SLC35F1: variants seen among roughly 807,000 people sequenced by gnomAD.
The protein encoded by SLC35F1 is chromosome 6 open reading frame 169.
SLC35F1 carries 14 observed loss-of-function variants against 48.7 expected under a neutral mutation model. That is an observed-to-expected ratio of 0.29 (90% CI 0.19 to 0.45). The LOEUF is 0.45. Ranked by LOEUF, SLC35F1 falls within the 20% of genes least tolerant of loss-of-function variation. The pLI is 1.00. For synonymous variants in SLC35F1, 190 were observed against 202.2 expected (o/e 0.94, Z 0.51); for missense variants, 404 against 500.0 (o/e 0.81, Z 1.83).
At chr6:118,018,585 A>C (rs976568182) in intron 1 of SLC35F1, among the ~76,000 whole-genome samples, 2 of 152,226 alleles carry the variant, frequency 1.3e-5, no homozygotes, top group South Asian at 2.1e-4. Flanking sequence ...TAGTTTAAAT[A>C]TGCCTTGCCT....
chr6:118,059,215 C>G (rs1248973501), intron 1 of SLC35F1, among the ~76,000 whole-genome samples: 1 of 152,168 alleles, frequency 6.6e-6, no homozygotes, highest in Non-Finnish European at 1.5e-5. Flanking sequence ...TCATGTTATT[C>G]AGTACACTGA....
At position 118,203,472 on chromosome 6, in the gene SLC35F1, T is replaced by C. The variant is rs542339691; in HGVS notation, c.350-32037T>C. ...GTGGCTTGCTGTAGTCTCTTTCTAT[T>C]ATTTTATTCTCTCTCCTTTCAGGAG... On this transcript the variant is annotated intron_variant, in intron 2 of 7. Coordinates refer to ENST00000360388, the MANE Select transcript of SLC35F1 (RefSeq NM_001029858.4). Among the ~76,000 whole-genome samples, 14 of 152,362 alleles carry C rather than the reference T, an allele frequency of 9.2e-5. No individual in the cohort carries two copies. In the East Asian group the frequency reaches 1.3e-3, roughly 15 times the overall value.
At chr6:118,272,744 T>C (rs1393560565) in intron 4 of SLC35F1, among the ~76,000 whole-genome samples, 1 of 99,228 alleles carries the variant, frequency 1.0e-5, no homozygotes, top group African/African-American at 4.1e-5. Context: ...TGTGTATATA[T>C]ATATACATAT....
chr6:118,051,317 A>G (rs765516256), intron 1 of SLC35F1, among the ~76,000 whole-genome samples: 2 of 152,094 alleles, frequency 1.3e-5, no homozygotes, highest in Admixed American at 1.3e-4. Context: ...GTATGCATTG[A>G]TTCTTACTAA....
At chr6:118,289,793 A>G (rs755224528) in intron 7 of SLC35F1, among the ~76,000 whole-genome samples, 8 of 152,178 alleles carry the variant, frequency 5.3e-5, no homozygotes, top group Non-Finnish European at 1.5e-5. Context: ...ATTAATTGGG[A>G]GCAGGTTTTT....
chr6:118,080,773 C>T (rs1283434287), intron 1 of SLC35F1, among the ~76,000 whole-genome samples: 1 of 152,166 alleles, frequency 6.6e-6, no homozygotes, highest in Non-Finnish European at 1.5e-5. Flanking sequence ...GCATCATCTC[C>T]TTGCAGGGAA....
intron 1 of SLC35F1, among the ~76,000 whole-genome samples, chr6:118,042,487 A>G (rs999994060): frequency 6.6e-6 from 1 of 152,192 alleles, no homozygotes; most frequent in African/African-American, 2.4e-5. Flanking sequence ...ACATCAAGAC[A>G]TGAGTGTGCC....
At chr6:118,310,289 A>G (rs1412964509) in intron 7 of SLC35F1, among the ~76,000 whole-genome samples, 2 of 152,158 alleles carry the variant, frequency 1.3e-5, no homozygotes, top group African/African-American at 4.8e-5. Context: ...ATAGCATTCC[A>G]GAGAAGTTCC....
intron 7 of SLC35F1, among the ~76,000 whole-genome samples, chr6:118,309,626 A>G (rs2114670228): frequency 6.6e-6 from 1 of 152,344 alleles, no homozygotes; most frequent in Non-Finnish European, 1.5e-5. Flanking sequence ...GTATTTATAA[A>G]TGTACTTTGA....
At chr6:118,111,754 T>G (rs968741629) in intron 1 of SLC35F1, among the ~76,000 whole-genome samples, 1 of 152,140 alleles carries the variant, frequency 6.6e-6, no homozygotes, top group African/African-American at 2.4e-5. Flanking sequence ...AACAATATAT[T>G]GGGTGATTAA....
rs773031487 is a variant in SLC35F1, at chr6:118,154,638, C to A, written c.349+18C>A. On this transcript the variant is annotated intron_variant, in intron 2 of 7. Transcript: ENST00000360388. ...CAGACAAGGTAAGCTCACAAAAGCACCAGGAATATAACTTTTACAAACACC... is the reference window on the plus strand; with the variant it reads ...CAGACAAGGTAAGCTCACAAAAGCAACAGGAATATAACTTTTACAAACACC... The A allele has an allele frequency of 6.3e-7, 1 of 1,583,422 alleles. No homozygotes were observed. The highest frequency in any genetic ancestry group is 8.6e-7 in the Non-Finnish European group (1 of 1,163,928).
intron 1 of SLC35F1, among the ~76,000 whole-genome samples, chr6:118,097,853 T>C (rs1177980873): frequency 6.6e-6 from 1 of 152,226 alleles, no homozygotes; most frequent in Non-Finnish European, 1.5e-5. Flanking sequence ...TTTTTCATTC[T>C]TACTAAGTGA....
chr6:118,225,149 A>G (rs1036070408), intron 2 of SLC35F1, among the ~76,000 whole-genome samples: 1 of 152,332 alleles, frequency 6.6e-6, no homozygotes, highest in East Asian at 1.9e-4. Flanking sequence ...TACCAATGAC[A>G]TTCTTCACAG....
chr6:118,128,633 G>A (rs1456632545), intron 1 of SLC35F1, among the ~76,000 whole-genome samples: 1 of 151,998 alleles, frequency 6.6e-6, no homozygotes, highest in Non-Finnish European at 1.5e-5. Flanking sequence ...GACACAGGAA[G>A]GGGAACATCA....
intron 7 of SLC35F1, among the ~76,000 whole-genome samples, chr6:118,311,533 T>C (rs1384023151): frequency 6.6e-6 from 1 of 152,248 alleles, no homozygotes; most frequent in African/African-American, 2.4e-5. Context: ...CCCACGCCTG[T>C]AATCCTAACA....
chr6:118,125,376 TGG>T (rs11355076), intron 1 of SLC35F1, among the ~76,000 whole-genome samples: 19,018 of 142,894 alleles, frequency 0.13, 1,461 homozygotes, highest in South Asian at 0.34. Context: ...TATGGTATTT[TGG>T]GGGGGGGGAT....
chr6:117,926,068 A>C (rs1776023428), intron 1 of SLC35F1, among the ~76,000 whole-genome samples: 1 of 152,138 alleles, frequency 6.6e-6, no homozygotes. Context: ...AAGGCATCTA[A>C]GCATATGACA....
chr6:118,179,032 A>C (rs1774533956), intron 2 of SLC35F1, among the ~76,000 whole-genome samples: 1 of 152,074 alleles, frequency 6.6e-6, no homozygotes. Flanking sequence ...GTTTCCCCTG[A>C]GTTAAATCTA....
chr6:117,914,025 T>G (rs1188529146), intron 1 of SLC35F1, among the ~76,000 whole-genome samples: 1 of 152,116 alleles, frequency 6.6e-6, no homozygotes, highest in East Asian at 1.9e-4. Context: ...CATTCCAGCC[T>G]GGGCAACAGA....
Sources: allele counts gnomAD v4.1 joint callset (sites outside exome capture counted in the v4.1 genomes callset), GRCh38; gene constraint gnomAD v4.1.1; transcripts MANE v1.5; gene names NCBI Gene and HGNC (gene_info 2026-07-23, HGNC 2026-07-21).